Variants in SORCS1 observed in about 807,000 individuals in gnomAD.
SORCS1 encodes the protein sortilin related VPS10 domain containing receptor 1, also known as VPS10 domain-containing receptor SorCS1.
Under a neutral mutation model 146.1 loss-of-function variants are expected in SORCS1, and 60 were observed. The observed-to-expected ratio is 0.41, with a 90% CI of 0.33 to 0.51. The LOEUF (loss-of-function observed/expected upper bound fraction) is 0.51. SORCS1 is among the 20% of genes least tolerant of loss of function. The pLI is 0.21. For missense variants in SORCS1, 1,352 were observed against 1,487.6 expected, an observed-to-expected ratio of 0.91 and a Z score of 1.50; for synonymous variants, 637 against 584.0, an observed-to-expected ratio of 1.09 and a Z score of -1.31.
At chr10:107,066,451 T>C (rs138734306) in intron 1 of SORCS1, among the ~76,000 whole-genome samples, 21 of 152,306 alleles carry the variant, frequency 1.4e-4, no homozygotes, top group African/African-American at 4.8e-4. Context: ...AAATATTACT[T>C]AGTATCTTTA....
At chr10:107,172,871 A>G in the SORCS1 span, among the ~76,000 whole-genome samples, 10 of 152,236 alleles carry the variant, frequency 6.6e-5, no homozygotes, top group Non-Finnish European at 1.0e-4. Flanking sequence ...TATTGCTATT[A>G]GCTGAAGTTA....
intron 2 of SORCS1, among the ~76,000 whole-genome samples, chr10:106,850,939 A>T (rs139541690): frequency 0.032 from 4,936 of 152,308 alleles, 109 homozygotes; most frequent in African/African-American, 0.056. Context: ...ATTGCAAAAA[A>T]ACACAGAAAC....
At chr10:106,674,929 G>T in intron 14 of SORCS1, 120 bp downstream of exon 14, 1 of 712,074 alleles carries the variant, frequency 1.4e-6, no homozygotes, top group Non-Finnish European at 2.3e-6. Flanking sequence ...GTACACTCTT[G>T]CAGTAAGATG....
At chr10:106,911,078 T>C (rs1370301183) in intron 2 of SORCS1, among the ~76,000 whole-genome samples, 1 of 152,238 alleles carries the variant, frequency 6.6e-6, no homozygotes, top group Non-Finnish European at 1.5e-5. Context: ...GTGCTTCATT[T>C]GGACCAGTTC....
chr10:106,992,986 C>A (rs915967475), intron 1 of SORCS1, among the ~76,000 whole-genome samples: 4 of 151,976 alleles, frequency 2.6e-5, no homozygotes, highest in Non-Finnish European at 5.9e-5. Flanking sequence ...CATGCACCAC[C>A]ACGTCCAGCT....
intron 21 of SORCS1, among the ~76,000 whole-genome samples, chr10:106,616,691 G>A (rs1239813352): frequency 6.6e-6 from 1 of 152,142 alleles, no homozygotes; most frequent in Non-Finnish European, 1.5e-5. Context: ...AAGGGAGAGA[G>A]AAGAAATTAT....
At chr10:106,915,888 A>T (rs1383199888) in intron 2 of SORCS1, among the ~76,000 whole-genome samples, 3 of 152,164 alleles carry the variant, frequency 2.0e-5, no homozygotes, top group Admixed American at 1.3e-4. Context: ...CTGGCTCCAA[A>T]TTCTCCTCCA....
chr10:107,147,755 T>C (rs1269960519), intron 1 of SORCS1, among the ~76,000 whole-genome samples: 1 of 152,176 alleles, frequency 6.6e-6, no homozygotes, highest in Non-Finnish European at 1.5e-5. Context: ...GCAAACCACC[T>C]ATGTGCCAAA....
At chr10:106,918,024 C>G (rs1952527534) in intron 2 of SORCS1, among the ~76,000 whole-genome samples, 1 of 152,100 alleles carries the variant, frequency 6.6e-6, no homozygotes, top group Non-Finnish European at 1.5e-5. Context: ...ATTTCCTGAA[C>G]TCGCCAATTA....
intron 17 of SORCS1, 92 bp from the exon 18 acceptor site, chr10:106,652,645 G>A: frequency 7.0e-7 from 1 of 1,421,904 alleles, no homozygotes; most frequent in Non-Finnish European, 9.7e-7. Context: ...TAGCCCTGAG[G>A]ACCATCAGTA....
intron 3 of SORCS1, among the ~76,000 whole-genome samples, chr10:106,818,712 G>A (rs1314932701): frequency 6.6e-6 from 1 of 152,164 alleles, no homozygotes; most frequent in Non-Finnish European, 1.5e-5. Context: ...TGTTTTACGA[G>A]TCTAAATAGA....
At position 106,996,852 on chromosome 10, in the gene SORCS1, G is replaced by A. The variant is rs187903413; in HGVS notation, c.559-40272C>T. 1.8e-3 allele frequency among the ~76,000 whole-genome samples: 279 copies of A among 152,134 alleles called. 1 individual carries two copies. The highest frequency in any genetic ancestry group is 2.9e-3 in the Non-Finnish European group (198 of 68,002). ...CAATACTCAGGAAACCTTGCTTAGT[G>A]CCTATCTTGCAGTTATAAAGTAATA... is the stretch of plus-strand genomic sequence containing the variant. On this transcript the variant is annotated intron_variant, in intron 1 of 25. Coordinates refer to ENST00000263054, the MANE Select transcript of SORCS1 (RefSeq NM_052918.5).
At chr10:106,904,648 G>A (rs541428842) in intron 2 of SORCS1, among the ~76,000 whole-genome samples, 1 of 152,222 alleles carries the variant, frequency 6.6e-6, no homozygotes, top group Non-Finnish European at 1.5e-5. Flanking sequence ...ACGTGGCGGA[G>A]TGCAGCTAAA....
At chr10:107,148,958 A>C (rs549466001) in intron 1 of SORCS1, among the ~76,000 whole-genome samples, 1 of 152,352 alleles carries the variant, frequency 6.6e-6, no homozygotes, top group East Asian at 1.9e-4. Context: ...ACTACCTAGC[A>C]AAAAATGCTA....
chr10:106,833,817 G>A (rs546207880), intron 2 of SORCS1, among the ~76,000 whole-genome samples: 6 of 152,042 alleles, frequency 3.9e-5, no homozygotes, highest in Non-Finnish European at 8.8e-5. Context: ...ATTTTGAGAC[G>A]GAGTCTCGCT....
chr10:107,092,501 A>G (rs1964256020), intron 1 of SORCS1, among the ~76,000 whole-genome samples: 1 of 152,186 alleles, frequency 6.6e-6, no homozygotes, highest in Non-Finnish European at 1.5e-5. Context: ...CTCTACTCTC[A>G]ATGGTATCGT....
In SORCS1 at chr10:107,093,193, G is replaced by A. The variant is rs193219008; in HGVS notation, c.558+70776C>T. On this transcript the variant is annotated intron_variant, in intron 1 of 25. Coordinates refer to ENST00000263054, the MANE Select transcript of SORCS1 (RefSeq NM_052918.5). ...AAGATGCAGTACTGGTTCCCAAAAT[G>A]TATGACTGATTTCCACATATATGCC... Among the ~76,000 whole-genome samples the A allele has an allele frequency of 6.6e-5, 10 of 152,210 alleles. No homozygotes were observed. In the East Asian group the frequency reaches 1.9e-3, roughly 29 times the overall value.
At chr10:106,664,153 G>C (rs144586282) in intron 17 of SORCS1, among the ~76,000 whole-genome samples, 4,594 of 152,204 alleles carry the variant, frequency 0.03, 124 homozygotes, top group South Asian at 0.067. Flanking sequence ...AGTCCTAGAA[G>C]GTAGTGTTGT....
chr10:106,735,248 C>G (rs1856869199), intron 5 of SORCS1, among the ~76,000 whole-genome samples: 1 of 151,920 alleles, frequency 6.6e-6, no homozygotes, highest in Non-Finnish European at 1.5e-5. Context: ...AAAAATGAGT[C>G]AATGGCTCAG....
Sources: gnomAD v4.1 joint callset for allele counts (sites outside exome capture counted in the v4.1 genomes callset) on GRCh38, gnomAD v4.1.1 for gene constraint, MANE v1.5 for transcripts, NCBI Gene and HGNC (gene_info 2026-07-23, HGNC 2026-07-21) for gene names.